The following TOP3A variants were observed in gnomAD, a reference collection of about 807,000 sequenced individuals.
TOP3A encodes DNA topoisomerase III alpha.
A neutral mutation model predicts 111.3 loss-of-function variants in TOP3A; 64 were observed. The ratio of observed to expected loss-of-function variants is 0.57; its 90% CI spans 0.47 to 0.71. The LOEUF (loss-of-function observed/expected upper bound fraction) is 0.71. TOP3A is among the 30% of genes least tolerant of loss of function. The pLI, the probability that TOP3A is intolerant of heterozygous loss-of-function variation, is 0.00. For synonymous variants in TOP3A, 484 were observed against 485.1 expected, an observed-to-expected ratio of 1.00 and a Z score of 0.03; for missense variants, 1,104 against 1,285.0, an observed-to-expected ratio of 0.86 and a Z score of 2.15.
intron 4 of TOP3A, among the ~76,000 whole-genome samples, chr17:18,306,302 C>T (rs1373141827): frequency 6.6e-6 from 1 of 152,182 alleles, no homozygotes; most frequent in East Asian, 1.9e-4. Context: ...GGCATTTATA[C>T]TTTGTAGCCT....
intron 9 of TOP3A, among the ~76,000 whole-genome samples, chr17:18,298,937 G>T (rs1225395334): frequency 6.7e-6 from 1 of 150,264 alleles, no homozygotes; most frequent in Non-Finnish European, 1.5e-5. Context: ...AGGGTCCTCT[G>T]CCTAGGAAAA....
intron 13 of TOP3A, among the ~76,000 whole-genome samples, chr17:18,288,087 T>G (rs970581374): frequency 6.7e-6 from 1 of 150,158 alleles, no homozygotes; most frequent in African/African-American, 2.5e-5. Flanking sequence ...ATTATACATT[T>G]GAAGGAGATA....
intron 13 of TOP3A, among the ~76,000 whole-genome samples, chr17:18,287,034 T>C (rs940409263): frequency 1.7e-4 from 26 of 151,898 alleles, no homozygotes; most frequent in Admixed American, 1.5e-3. Flanking sequence ...TTGGCCCACC[T>C]TGGCCTCCCA....
chr17:18,306,853 G>A (rs1245424327), intron 4 of TOP3A, 38 bp downstream of exon 4: 1 of 1,338,486 alleles, frequency 7.5e-7, no homozygotes, highest in Non-Finnish European at 1.1e-6. Flanking sequence ...TGACTCTGTG[G>A]TTTGACTCAG....
intron 16 of TOP3A, among the ~76,000 whole-genome samples, chr17:18,281,463 G>C (rs1428799249): frequency 1.3e-5 from 2 of 151,974 alleles, no homozygotes; most frequent in Non-Finnish European, 1.5e-5. Flanking sequence ...CTCCAATTCA[G>C]AGAATTGGAG....
At chr17:18,302,042 A>G in intron 7 of TOP3A, 57 bp from the exon 8 acceptor site, 1 of 1,539,820 alleles carries the variant, frequency 6.5e-7, no homozygotes. Context: ...TCATGATATG[A>G]CAGATAGAAA....
At chr17:18,302,032 T>C (rs756242703) in intron 7 of TOP3A, 47 bp from the exon 8 acceptor site, 119 of 1,563,256 alleles carry the variant, frequency 7.6e-5, no homozygotes, top group Non-Finnish European at 9.4e-5. Flanking sequence ...CAGAGACATG[T>C]CATGATATGA....
Position 18,302,257 on chromosome 17 carries a change from G to T in TOP3A, c.814+7C>A, listed in dbSNP as rs367728566. ...TCCCAGGCCATAACACCCACTCCAG[G>T]CCCTACCTTTAATTCTGTGGAAGAT... On this transcript the variant is annotated splice_region_variant and intron_variant, in intron 7 of 18. Coordinates refer to ENST00000321105, the MANE Select transcript of TOP3A (RefSeq NM_004618.5). 1.2e-6 allele frequency: 2 copies of T among 1,604,960 alleles called. No homozygotes were observed. The highest frequency in any genetic ancestry group is 2.2e-5 in the East Asian group (1 of 44,828).
chr17:18,302,230 G>A (rs1209064868), intron 7 of TOP3A, 34 bp downstream of exon 7: 5 of 1,571,386 alleles, frequency 3.2e-6, no homozygotes, highest in African/African-American at 2.7e-5. Context: ...TGAGCCCATA[G>A]GTCCCAGGCC....
Position 18,273,184 on chromosome 17 carries a change from C to A in TOP3A, c.*1618G>T, listed in dbSNP as rs1279099499. ...TGGTCTATGGGCCAGGAGCCCAAGA[C>A]CTGAGAACAATCCTAGTTTCTTCAA... On this transcript the variant is annotated 3_prime_UTR_variant, in exon 19 of 19. Transcript: ENST00000321105. The A allele has an allele frequency of 6.6e-6, 1 of 152,234 alleles. No homozygotes were observed. The highest frequency in any genetic ancestry group is 6.5e-5 in the Admixed American group (1 of 15,280). 9.4% of individuals were successfully genotyped at this position (152,234 alleles called of 1,614,324 possible). A position where few individuals can be genotyped will look rare whatever the true frequency, so the allele number is the denominator to read the frequency against.
At chr17:18,279,773 G>C (rs951798956) in intron 17 of TOP3A, among the ~76,000 whole-genome samples, 2 of 152,148 alleles carry the variant, frequency 1.3e-5, no homozygotes, top group African/African-American at 4.8e-5. Context: ...CTACAGCCTA[G>C]ACCTCTAGGA....
At chr17:18,280,697 G>A (rs6502644) in intron 16 of TOP3A, 39 bp from the exon 17 acceptor site, 1 of 1,607,194 alleles carries the variant, frequency 6.2e-7, no homozygotes, top group Non-Finnish European at 8.5e-7. Flanking sequence ...AGGAGTGCAG[G>A]AGATGCTCTC....
At chr17:18,305,475 A>AACACACACACAC (rs1555572046) in intron 4 of TOP3A, among the ~76,000 whole-genome samples, 1 of 146,672 alleles carries the variant, frequency 6.8e-6, no homozygotes, top group Non-Finnish European at 1.5e-5. Flanking sequence ...ATTCAGCTCT[A>AACACACACACAC]ACACACACAC....
At chr17:18,302,748 G>C (rs763810904) in intron 5 of TOP3A, 25 bp from the exon 6 acceptor site, 1 of 1,598,136 alleles carries the variant, frequency 6.3e-7, no homozygotes. Context: ...GTGTTACCAA[G>C]GTCAAAGTCA....
At chr17:18,301,805 T>G in intron 8 of TOP3A, 80 bp downstream of exon 8, 39 of 1,215,070 alleles carry the variant, frequency 3.2e-5, no homozygotes, top group Non-Finnish European at 4.5e-5. Flanking sequence ...AATGGGAGAA[T>G]GAGACAGATC....
intron 16 of TOP3A, among the ~76,000 whole-genome samples, chr17:18,282,326 C>T (rs1334764345): frequency 4.6e-5 from 7 of 152,164 alleles, no homozygotes; most frequent in Non-Finnish European, 1.5e-5. Context: ...GGGTTCAGAG[C>T]AGGTAAGTAA....
Position 18,290,635 on chromosome 17 carries a change from T to A in TOP3A, c.1519A>T (p.Met507Leu). The A allele has an allele frequency of 6.2e-7, 1 of 1,611,542 alleles. No homozygotes were observed. The highest frequency in any genetic ancestry group is 8.5e-7 in the Non-Finnish European group (1 of 1,178,406). The change falls in exon 13 of 19, where the codon ATG becomes TTG. Residue 507 changes from methionine (M) to leucine (L), a missense_variant. By Grantham distance (15) the Met-to-Leu change is conservative. Coordinates refer to ENST00000321105, the MANE Select transcript of TOP3A (RefSeq NM_004618.5). Reference sequence around the variant, plus strand: ...GGTGGGCTGGTCTCCCCGTCCACCATCTCCACGGTGCTGGGCTGAAAGTGG... The same window carrying A: ...GGTGGGCTGGTCTCCCCGTCCACCAACTCCACGGTGCTGGGCTGAAAGTGG... ...GSHFQPSTVEMVDGETSPPKL... is the reference protein window; with the variant it reads ...GSHFQPSTVELVDGETSPPKL...
chr17:18,285,890 A>C (rs1432389386), intron 13 of TOP3A, among the ~76,000 whole-genome samples: 1 of 152,196 alleles, frequency 6.6e-6, no homozygotes, highest in Non-Finnish European at 1.5e-5. Context: ...TCTGCCATGA[A>C]GGAAATGCAA....
rs1331392462 is a variant in TOP3A, at chr17:18,294,866, C to A, written c.991-81G>T. ...CTCAAATACACAACTCATCTTCAGT[C>A]AAATCTGGCCCGTGTCACTCCAGGT... On this transcript the variant is annotated intron_variant, in intron 9 of 18. Coordinates refer to ENST00000321105, the MANE Select transcript of TOP3A (RefSeq NM_004618.5). The A allele has an allele frequency of 4.3e-6, 4 of 938,454 alleles. No individual in the cohort carries two copies. In the African/African-American group the frequency reaches 4.9e-5, roughly 11 times the overall value. 58.1% of individuals were successfully genotyped at this position (938,454 alleles called of 1,614,324 possible).
Sources: gnomAD v4.1 joint callset for allele counts (sites outside exome capture counted in the v4.1 genomes callset) on GRCh38, gnomAD v4.1.1 for gene constraint, MANE v1.5 for transcripts, NCBI Gene and HGNC (gene_info 2026-07-23, HGNC 2026-07-21) for gene names.